Variants in IRAG1 observed in about 807,000 individuals in gnomAD.
The protein encoded by IRAG1 is inositol 1,4,5-triphosphate receptor associated 1, also known as IP3R-associated cGMP kinase substrate.
IRAG1 carries 62 observed loss-of-function variants against 106.2 expected under a neutral mutation model. The observed-to-expected ratio is 0.58, with a 90% CI of 0.48 to 0.72. The LOEUF is 0.72. Among genes scored for constraint, IRAG1 ranks in the 30% least tolerant of loss-of-function variants. The pLI, the probability that IRAG1 is intolerant of heterozygous loss-of-function variation, is 0.00. For synonymous variants in IRAG1, 462 were observed against 443.9 expected (o/e 1.04, Z -0.51); for missense variants, 1,064 against 1,140.7 (o/e 0.93, Z 0.97).
intron 2 of IRAG1, among the ~76,000 whole-genome samples, chr11:10,649,538 G>T (rs1472073532): frequency 2.0e-5 from 3 of 152,182 alleles, no homozygotes; most frequent in African/African-American, 7.2e-5. Context: ...GAGGAGCTGG[G>T]ATTGAAGCCC....
rs780455852 is a variant in IRAG1, at chr11:10,659,128, T to C, written c.68-6946A>G. On this transcript the variant is annotated intron_variant, in intron 1 of 20. Transcript: ENST00000423302. The surrounding 1 kb of genome is among the most constrained non-coding windows in gnomAD (Gnocchi z 4.1). ...GTTCTTTCCACTATCCCTGTACTCA[T>C]GATGACTCCCCCAAAACAGAGGTTT... 2.6e-5 allele frequency among the ~76,000 whole-genome samples: 4 copies of C among 152,242 alleles called. No individual in the cohort carries two copies. The highest frequency in any genetic ancestry group is 4.8e-5 in the African/African-American group (2 of 41,472).
Position 10,657,390 on chromosome 11 carries a change from G to A in IRAG1, c.68-5208C>T, listed in dbSNP as rs995690368. Among the ~76,000 whole-genome samples, 1 of 152,116 alleles carries A rather than the reference G, an allele frequency of 6.6e-6. No homozygotes were observed. The highest frequency in any genetic ancestry group is 1.5e-5 in the Non-Finnish European group (1 of 68,020). On this transcript the variant is annotated intron_variant, in intron 1 of 20. Transcript: ENST00000423302. The surrounding 1 kb of genome is among the most constrained non-coding windows in gnomAD (Gnocchi z 4.1). ...CAGGCAGCAGCAGCCTCTCATCATG[G>A]CGCCAAAGATGCCTCTCCCAGAGCC...
At chr11:10,608,508 G>A (rs1854667201) in intron 11 of IRAG1, among the ~76,000 whole-genome samples, 1 of 152,262 alleles carries the variant, frequency 6.6e-6, no homozygotes, top group Non-Finnish European at 1.5e-5. Context: ...GATTTAGGCA[G>A]AGAAGCCACA....
chr11:10,594,577 TGAGCAAG>T (rs577252592), intron 15 of IRAG1, among the ~76,000 whole-genome samples: 345 of 152,322 alleles, frequency 2.3e-3, no homozygotes, highest in African/African-American at 7.9e-3. Flanking sequence ...AGAGAAACTA[TGAGCAAG>T]GAAGGTGTGG....
chr11:10,627,415 A>G (rs1208561635), intron 8 of IRAG1, among the ~76,000 whole-genome samples: 1 of 152,136 alleles, frequency 6.6e-6, no homozygotes, highest in Non-Finnish European at 1.5e-5. Context: ...AGCTGACAGG[A>G]GCCACAGTCT....
At chr11:10,602,817 TCTC>T (rs1854144813) in intron 14 of IRAG1, among the ~76,000 whole-genome samples, 1 of 152,152 alleles carries the variant, frequency 6.6e-6, no homozygotes, top group Non-Finnish European at 1.5e-5. Context: ...GAACCAGCCT[TCTC>T]CACCACAGGA....
At chr11:10,660,869 C>T (rs1859338617) in intron 1 of IRAG1, among the ~76,000 whole-genome samples, 1 of 152,162 alleles carries the variant, frequency 6.6e-6, no homozygotes. Flanking sequence ...ACTCTGAGTC[C>T]CATCAATCCT....
rs1364307094 is a variant in IRAG1 at position 10,647,537 on chromosome 11, C to A, written c.225+4488G>T. Reference sequence around the variant, plus strand: ...GCTTATGAGTTCACACTGACCTGCCCCTGGGGGCTTCTAAAACCCTTTGGA... The same window carrying A: ...GCTTATGAGTTCACACTGACCTGCCACTGGGGGCTTCTAAAACCCTTTGGA... On this transcript the variant is annotated intron_variant, in intron 2 of 20. Coordinates refer to ENST00000423302, the MANE Select transcript of IRAG1 (RefSeq NM_130385.4). The surrounding 1 kb of genome is among the most constrained non-coding windows in gnomAD (Gnocchi z 4.3). 6.6e-6 allele frequency among the ~76,000 whole-genome samples: 1 copy of A among 152,228 alleles called. No individual in the cohort carries two copies. The highest frequency in any genetic ancestry group is 1.9e-4 in the East Asian group (1 of 5,178).
chr11:10,608,719 C>A (rs1237160828), intron 11 of IRAG1, among the ~76,000 whole-genome samples: 6 of 152,160 alleles, frequency 3.9e-5, no homozygotes, highest in African/African-American at 1.4e-4. Flanking sequence ...TGTAAGCCTT[C>A]TTTATATGCT....
intron 1 of IRAG1, chr11:10,687,947 A>G (rs1227722432): frequency 2.9e-6 from 1 of 339,732 alleles, no homozygotes; most frequent in South Asian, 1.2e-4. Flanking sequence ...AATCTGAAAA[A>G]TCTGAAATCT....
rs565541323 is a variant in IRAG1 at position 10,575,144 on chromosome 11, G to A, written c.*1188C>T. On this transcript the variant is annotated 3_prime_UTR_variant, in exon 21 of 21. Transcript: ENST00000423302. Reference sequence around the variant, plus strand: ...TACAAAACTGATGAAGGCAGTGGCTGTAAAAGTGGGGAGAGAAGTCAAAAT... The same window carrying A: ...TACAAAACTGATGAAGGCAGTGGCTATAAAAGTGGGGAGAGAAGTCAAAAT... 6 of 152,360 alleles carry A rather than the reference G, an allele frequency of 3.9e-5. No individual in the cohort carries two copies. In the East Asian group the frequency reaches 9.6e-4, roughly 24 times the overall value. 9.4% of individuals were successfully genotyped at this position (152,360 alleles called of 1,614,324 possible). A position where few individuals can be genotyped will look rare whatever the true frequency, so the allele number is the denominator to read the frequency against.
chr11:10,681,332 G>T (rs1861241526), intron 1 of IRAG1, among the ~76,000 whole-genome samples: 2 of 152,136 alleles, frequency 1.3e-5, no homozygotes, highest in Non-Finnish European at 2.9e-5. Flanking sequence ...CAAGTGCCTT[G>T]TTAATAAAAA....
intron 12 of IRAG1, among the ~76,000 whole-genome samples, chr11:10,606,053 GTT>G (rs531356291): frequency 1.4e-3 from 215 of 152,330 alleles, no homozygotes; most frequent in African/African-American, 5.0e-3. Flanking sequence ...CTATGCGTGT[GTT>G]ATAGACTGCA....
chr11:10,651,508 G>C (rs1036403578), intron 2 of IRAG1, among the ~76,000 whole-genome samples: 4 of 152,168 alleles, frequency 2.6e-5, no homozygotes, highest in African/African-American at 9.7e-5. Context: ...AAAATAGCTT[G>C]TTTTGAATGC....
rs377388127 is a variant in IRAG1, at chr11:10,655,050, T to C, written c.68-2868A>G. ...GCATCAGTGGTGCTGGGTAAAGTAT[T>C]TGGTAACAGGGGTTGAGGGTAGCAA... On this transcript the variant is annotated intron_variant, in intron 1 of 20. Coordinates refer to ENST00000423302, the MANE Select transcript of IRAG1 (RefSeq NM_130385.4). Among the ~76,000 whole-genome samples the C allele has an allele frequency of 9.8e-5, 15 of 152,298 alleles. No homozygotes were observed. In the South Asian group the frequency reaches 2.5e-3, roughly 25 times the overall value.
chr11:10,636,476 C>A (rs1160755401), intron 2 of IRAG1, among the ~76,000 whole-genome samples: 2 of 152,180 alleles, frequency 1.3e-5, no homozygotes, highest in Admixed American at 6.5e-5. Context: ...GATGCCAGGC[C>A]ATGATTGATA....
rs1850761021 is a variant in IRAG1, at chr11:10,575,307, C to T, written c.*1025G>A. ...GTTTACTCTTGCATGTGGTCACACACAGAGTAAGAGACTGAAGCAGAAAGC... is the reference window on the plus strand; with the variant it reads ...GTTTACTCTTGCATGTGGTCACACATAGAGTAAGAGACTGAAGCAGAAAGC... On this transcript the variant is annotated 3_prime_UTR_variant, in exon 21 of 21. Transcript: ENST00000423302. The T allele has an allele frequency of 6.6e-6, 1 of 152,220 alleles. No individual in the cohort carries two copies. Among genetic ancestry groups the T allele is most frequent in the Non-Finnish European group, 1.5e-5 (1 of 68,038 alleles). 9.4% of individuals were successfully genotyped at this position (152,220 alleles called of 1,614,324 possible).
intron 10 of IRAG1, among the ~76,000 whole-genome samples, chr11:10,622,971 G>A (rs999714945): frequency 2.6e-4 from 39 of 151,552 alleles, no homozygotes; most frequent in Non-Finnish European, 4.7e-4. Flanking sequence ...CATGTACCAG[G>A]TATTGTTTTA....
chr11:10,628,697 C>T lies in IRAG1; in HGVS notation c.652+54G>A. The stretch of plus-strand genomic sequence containing the variant: ...GGCATGCTGATCTGTCCAGGCTGAG[C>T]TGCCACCCAGAGCGAGAGGCAGGGC... On this transcript the variant is annotated intron_variant, in intron 6 of 20. Transcript: ENST00000423302. This position sits in a 1 kb window ranked among gnomAD's most constrained non-coding sequence, Gnocchi z 4.1. 1 of 1,416,926 alleles carries T rather than the reference C, an allele frequency of 7.1e-7. No individual in the cohort carries two copies. Among genetic ancestry groups the T allele is most frequent in the Non-Finnish European group, 9.4e-7 (1 of 1,058,590 alleles). 87.8% of individuals were successfully genotyped at this position (1,416,926 alleles called of 1,614,324 possible).
Sources: allele counts gnomAD v4.1 joint callset (sites outside exome capture counted in the v4.1 genomes callset), GRCh38; gene constraint gnomAD v4.1.1; non-coding constraint Gnocchi (gnomAD v3.1); transcripts MANE v1.5; gene names NCBI Gene and HGNC (gene_info 2026-07-23, HGNC 2026-07-21).